Variants in TNS1 observed in about 807,000 individuals in gnomAD.
TNS1 encodes tensin-1.
In TNS1, 62 loss-of-function variants were observed where a neutral mutation model predicts 168.6. That is an observed-to-expected ratio of 0.37 (90% CI 0.30 to 0.45). The LOEUF (loss-of-function observed/expected upper bound fraction) is 0.45. Among genes scored for constraint, TNS1 ranks in the 20% least tolerant of loss-of-function variants. TNS1 has a pLI of 1.00. For synonymous variants in TNS1, 934 were observed against 933.2 expected (o/e 1.00, Z -0.02); for missense variants, 2,240 against 2,339.4 (o/e 0.96, Z 0.88).
intron 18 of TNS1, among the ~76,000 whole-genome samples, chr2:217,871,838 T>C (rs982253306): frequency 7.9e-5 from 12 of 152,266 alleles, no homozygotes; most frequent in African/African-American, 2.7e-4. Flanking sequence ...TGTTCTACCA[T>C]CCAGGGATCT....
At chr2:217,873,906 A>G (rs1293611240) in intron 18 of TNS1, among the ~76,000 whole-genome samples, 1 of 152,088 alleles carries the variant, frequency 6.6e-6, no homozygotes, top group Admixed American at 6.5e-5. Context: ...GGCAAGAAAG[A>G]ATGTTCTGGA....
rs532061230 is a variant in TNS1 at position 217,862,130 on chromosome 2, G to A, written c.1430-13043C>T. 5.9e-5 allele frequency among the ~76,000 whole-genome samples: 9 copies of A among 152,272 alleles called. No individual in the cohort carries two copies. In the South Asian group the frequency reaches 1.5e-3, roughly 25 times the overall value. ...CCTGCAGAGATGAATTCAGCCTCAAGGACCACAAGGAGAGAAGGACGGGCA... is the reference window on the plus strand; with the variant it reads ...CCTGCAGAGATGAATTCAGCCTCAAAGACCACAAGGAGAGAAGGACGGGCA... On this transcript the variant is annotated intron_variant, in intron 18 of 32. Transcript: ENST00000682258.
chr2:217,854,635 C>T (rs572150432), intron 18 of TNS1, among the ~76,000 whole-genome samples: 33 of 152,324 alleles, frequency 2.2e-4, no homozygotes, highest in African/African-American at 7.0e-4. Context: ...TCCAAGGCCA[C>T]GTGCATCTGA....
chr2:217,897,263 C>T (rs989705529), intron 8 of TNS1, among the ~76,000 whole-genome samples: 4 of 152,212 alleles, frequency 2.6e-5, no homozygotes, highest in Middle Eastern at 6.3e-3. Context: ...CAAGGTGACT[C>T]CTCTGGGCCA....
At chr2:217,843,067 G>A (rs1185918704) in intron 19 of TNS1, among the ~76,000 whole-genome samples, 2 of 151,612 alleles carry the variant, frequency 1.3e-5, no homozygotes, top group Non-Finnish European at 2.9e-5. Context: ...GCACCCATTA[G>A]AAGTTCATGT....
At chr2:217,973,868 C>T (rs971595652) in intron 3 of TNS1, among the ~76,000 whole-genome samples, 2 of 152,166 alleles carry the variant, frequency 1.3e-5, no homozygotes, top group Admixed American at 6.5e-5. Context: ...CAGTCCCAAA[C>T]GGGAAAGAAC....
At chr2:217,957,488 A>G (rs1446777859) in intron 3 of TNS1, among the ~76,000 whole-genome samples, 1 of 152,218 alleles carries the variant, frequency 6.6e-6, no homozygotes, top group Non-Finnish European at 1.5e-5. Flanking sequence ...ATAAGGACCC[A>G]TCAGAAACAG....
At chr2:217,952,430 C>T (rs915804583) in intron 3 of TNS1, among the ~76,000 whole-genome samples, 3 of 152,092 alleles carry the variant, frequency 2.0e-5, no homozygotes, top group African/African-American at 7.2e-5. Flanking sequence ...AGAGAGGGTT[C>T]ATTAAGGCCC....
chr2:218,031,093 CGTGTCTGT>C (rs1958889975), intron 1 of TNS1, among the ~76,000 whole-genome samples: 1 of 134,560 alleles, frequency 7.4e-6, no homozygotes, highest in South Asian at 2.5e-4. Context: ...AGTGTGTGAG[CGTGTCTGT>C]GTGTATGAGT....
intron 19 of TNS1, chr2:217,841,917 A>G (rs1946023016): frequency 1.7e-6 from 1 of 592,852 alleles, no homozygotes; most frequent in African/African-American, 1.9e-5. Flanking sequence ...GAACCTTCTC[A>G]GATGCACTAG....
intron 7 of TNS1, among the ~76,000 whole-genome samples, chr2:217,898,461 C>G (rs1017221609): frequency 2.6e-5 from 4 of 152,230 alleles, no homozygotes; most frequent in Non-Finnish European, 5.9e-5. Flanking sequence ...CCCTAGCTCT[C>G]GAGCTGTGGA....
intron 3 of TNS1, among the ~76,000 whole-genome samples, chr2:217,968,881 G>C (rs1384761178): frequency 2.6e-5 from 4 of 152,118 alleles, no homozygotes; most frequent in African/African-American, 9.7e-5. Flanking sequence ...TTTTAGTAGA[G>C]ATGGGGTTTC....
At position 217,813,905 on chromosome 2, in the gene TNS1, G is replaced by T. The variant is rs927993699; in HGVS notation, c.4730-89C>A. On this transcript the variant is annotated intron_variant, in intron 25 of 32. Transcript: ENST00000682258. This position sits in a 1 kb window ranked among gnomAD's most constrained non-coding sequence, Gnocchi z 4.0. ...AGTCTCATTGAGCCTACCGACCTTC[G>T]TTCTTTCTTAGGTGAGACAAATTTT... The T allele has an allele frequency of 1.4e-6, 2 of 1,414,042 alleles. No homozygotes were observed. Among genetic ancestry groups the T allele is most frequent in the Non-Finnish European group, 1.9e-6 (2 of 1,078,460 alleles). 87.6% of individuals were successfully genotyped at this position (1,414,042 alleles called of 1,614,324 possible). A position where few individuals can be genotyped will look rare whatever the true frequency, so the allele number is the denominator to read the frequency against.
At chr2:217,893,610 A>G (rs1248466809) in intron 9 of TNS1, 49 bp from the exon 10 acceptor site, 1 of 1,554,582 alleles carries the variant, frequency 6.4e-7, no homozygotes, top group East Asian at 2.3e-5. Flanking sequence ...CTGCAGAGCC[A>G]AACAAGCCAG....
rs1322223238 is a variant in TNS1, at chr2:217,817,970, C to T, written c.4362G>A (p.Thr1454=). 7.5e-6 allele frequency: 12 copies of T among 1,603,560 alleles called. No individual in the cohort carries two copies. Among genetic ancestry groups the T allele is most frequent in the South Asian group, 2.2e-5 (2 of 89,656 alleles). ...SSASGYQAPS[T]PSFPVSPAYY... Reference sequence around the variant, plus strand: ...AGGCAGGGGAGACAGGGAAGGAGGGCGTGGAAGGAGCCTGGTAGCCAGAGG... The same window carrying T: ...AGGCAGGGGAGACAGGGAAGGAGGGTGTGGAAGGAGCCTGGTAGCCAGAGG... The change falls in exon 24 of 33, where the codon ACG becomes ACA. Residue 1454 remains threonine (T), a synonymous_variant. Coordinates refer to ENST00000682258, the MANE Select transcript of TNS1 (RefSeq NM_001387777.1).
intron 3 of TNS1, among the ~76,000 whole-genome samples, chr2:217,975,357 G>A (rs1372296499): frequency 6.6e-6 from 1 of 152,164 alleles, no homozygotes; most frequent in African/African-American, 2.4e-5. Flanking sequence ...GATAATAAGT[G>A]TTTGAAGCTA....
chr2:217,822,782 G>A (rs946736414), intron 22 of TNS1, among the ~76,000 whole-genome samples: 2 of 152,170 alleles, frequency 1.3e-5, no homozygotes, highest in Admixed American at 6.5e-5. Context: ...CAGATGGCCC[G>A]ACTCCCAGAC....
At chr2:218,031,109 A>G (rs1465293440) in intron 1 of TNS1, among the ~76,000 whole-genome samples, 2 of 99,256 alleles carry the variant, frequency 2.0e-5, no homozygotes, top group Admixed American at 9.7e-5. Context: ...TGTGTGTATG[A>G]GTGTGTGTGA....
rs144963442 is a variant in TNS1, at chr2:218,009,465, C to G, written c.96+635G>C. ...AATCCCAGGGAGACCGATGCTCAAC[C>G]AGGACACGCCCACCCACAGCACTGC... On this transcript the variant is annotated intron_variant, in intron 1 of 32. Coordinates refer to the TNS1 transcript ENST00000646520. 5.3e-5 allele frequency among the ~76,000 whole-genome samples: 8 copies of G among 152,196 alleles called. No individual in the cohort carries two copies. In the East Asian group the frequency reaches 7.7e-4, roughly 15 times the overall value.
Sources: gnomAD v4.1 joint callset for allele counts (sites outside exome capture counted in the v4.1 genomes callset) on GRCh38, gnomAD v4.1.1 for gene constraint, Gnocchi (gnomAD v3.1) non-coding constraint, MANE v1.5 for transcripts, NCBI Gene and HGNC (gene_info 2026-07-23, HGNC 2026-07-21) for gene names.